The following TNFRSF17 variants were observed in gnomAD, a reference collection of about 807,000 sequenced individuals.
TNFRSF17 encodes the protein TNF receptor superfamily member 17, also known as tumor necrosis factor receptor superfamily member 17.
Under a neutral mutation model 9.9 loss-of-function variants are expected in TNFRSF17, and 13 were observed. That is an observed-to-expected ratio of 1.31 (90% confidence interval 0.85 to 2.08). The LOEUF is 2.08. Among genes scored for constraint, TNFRSF17 ranks in the 30% most tolerant of loss-of-function variants. The pLI, the probability that TNFRSF17 is intolerant of heterozygous loss-of-function variation, is 0.00. For synonymous variants in TNFRSF17, 99 were observed against 83.7 expected, an observed-to-expected ratio of 1.18 and a Z score of -1.00; for missense variants, 305 against 225.8, an observed-to-expected ratio of 1.35 and a Z score of -2.25.
At position 11,967,706 on chromosome 16, in the gene TNFRSF17, C is replaced by T. The variant is rs759685287; in HGVS notation, c.414C>T (p.Val138=). The change falls in exon 3 of 3, where the codon GTC becomes GTT. Residue 138 remains valine, a synonymous_variant. Transcript: ENST00000053243. ...CEDCIKSKPK[V]DSDHCFPLPA... is the part of the protein sequence containing the mutation. Reference sequence around the variant, plus strand: ...ACTGCATCAAGAGCAAACCGAAGGTCGACTCTGACCATTGCTTTCCACTCC... The same window carrying T: ...ACTGCATCAAGAGCAAACCGAAGGTTGACTCTGACCATTGCTTTCCACTCC... 15 of 1,614,150 alleles carry T rather than the reference C, an allele frequency of 9.3e-6. No homozygotes were observed. The highest frequency in any genetic ancestry group is 7.7e-5 in the South Asian group (7 of 91,082).
chr16:11,965,345 G>A lies in TNFRSF17; in HGVS notation c.21G>A (p.Gln7=). Residue 7 remains glutamine, a synonymous_variant, in exon 1 of 3, where the codon CAG becomes CAA. Coordinates refer to ENST00000053243, the MANE Select transcript of TNFRSF17 (RefSeq NM_001192.3). ...TGATCATGTTGCAGATGGCTGGGCA[G>A]TGCTCCCAAAATGAATATTTTGACA... MLQMAG[Q]CSQNEYFDSL... is the part of the protein sequence containing the mutation. The A allele has an allele frequency of 6.2e-7, 1 of 1,614,200 alleles. No homozygotes were observed. The highest frequency in any genetic ancestry group is 8.5e-7 in the Non-Finnish European group (1 of 1,180,032).
At chr16:11,965,507 A>G in intron 1 of TNFRSF17, 53 bp downstream of exon 1, 1 of 1,569,616 alleles carries the variant, frequency 6.4e-7, no homozygotes, top group Non-Finnish European at 8.7e-7. Flanking sequence ...TTCTGTCTAT[A>G]TGGACTGCTT....
At chr16:11,966,404 C>A in intron 2 of TNFRSF17, 63 bp downstream of exon 2, 1 of 1,527,434 alleles carries the variant, frequency 6.5e-7, no homozygotes, top group Non-Finnish European at 8.9e-7. Flanking sequence ...AGTTTCAGTT[C>A]CTTTTCTTTT....
At chr16:11,967,527 C>A (rs777905027) in intron 2 of TNFRSF17, 43 bp from the exon 3 acceptor site, 1 of 1,583,324 alleles carries the variant, frequency 6.3e-7, no homozygotes, top group Non-Finnish European at 8.6e-7. Context: ...TGACCACATT[C>A]TCTGTGAAGT....
Position 11,967,639 on chromosome 16 carries a change from C to G in TNFRSF17, c.347C>G (p.Pro116Arg), listed in dbSNP as rs561432842. Residue 116 changes from proline (P) to arginine (R), a missense_variant, in exon 3 of 3, where the codon CCG becomes CGG. Transcript: ENST00000053243. ...AGGACTGGTGATGAAATTATTCTTC[C>G]GAGAGGCCTCGAGTACACGGTGGAA... ...KSRTGDEIILPRGLEYTVEEC... is the reference protein window; with the variant it reads ...KSRTGDEIILRRGLEYTVEEC... The G allele has an allele frequency of 1.9e-6, 3 of 1,614,096 alleles. No homozygotes were observed. The highest frequency in any genetic ancestry group is 4.5e-5 in the East Asian group (2 of 44,886).
In TNFRSF17 at chr16:11,966,325, C is replaced by A. The variant is rs180992520; in HGVS notation, c.261C>A (p.Asp87Glu). ...AGATAAACTCTGAACCATTAAAGGA[C>A]GAGTTTAAAAACACAGGTTGGTTTG... ...LRKINSEPLK[D>E]EFKNTGSGLL... Residue 87 changes from aspartate (D) to glutamate (E), a missense_variant, in exon 2 of 3, where the codon GAC becomes GAA. Physicochemically the swap from Asp to Glu is conservative, Grantham distance 45 (BLOSUM62 2). Transcript: ENST00000053243. 4 of 1,611,858 alleles carry A rather than the reference C, an allele frequency of 2.5e-6. No homozygotes were observed. The highest frequency in any genetic ancestry group is 3.4e-6 in the Non-Finnish European group (4 of 1,179,088).
chr16:11,966,474 A>G, intron 2 of TNFRSF17, 133 bp downstream of exon 2: 1 of 928,390 alleles, frequency 1.1e-6, no homozygotes, highest in South Asian at 1.9e-5. Flanking sequence ...ACATTGTTAC[A>G]TTAAATGAAC....
In TNFRSF17 at chr16:11,965,235, T is replaced by C. The variant is rs2055184251; in HGVS notation, c.-90T>C. The C allele has an allele frequency of 6.5e-7, 1 of 1,545,944 alleles. No homozygotes were observed. Among genetic ancestry groups the C allele is most frequent in the African/African-American group, 1.4e-5 (1 of 73,142 alleles). ...ATTGTTCTCAACATTCTAGCTGCTC[T>C]TGCTGCATTTGCTCTGGAATTCTTG... On this transcript the variant is annotated 5_prime_UTR_variant, in exon 1 of 3. Coordinates refer to ENST00000053243, the MANE Select transcript of TNFRSF17 (RefSeq NM_001192.3).
rs533954027 is a variant in TNFRSF17 at position 11,967,449 on chromosome 16, A to G, written c.278-121A>G. 14 of 1,015,984 alleles carry G rather than the reference A, an allele frequency of 1.4e-5. No individual in the cohort carries two copies. In the East Asian group the frequency reaches 2.9e-4, roughly 21 times the overall value. 62.9% of individuals were successfully genotyped at this position (1,015,984 alleles called of 1,614,324 possible). A position where few individuals can be genotyped will look rare whatever the true frequency, so the allele number is the denominator to read the frequency against. ...AGCCTGGGCAACACAGTAAGACCCCACCTCTAAAAAATGAAAAAATCTCTC... is the reference window on the plus strand; with the variant it reads ...AGCCTGGGCAACACAGTAAGACCCCGCCTCTAAAAAATGAAAAAATCTCTC... On this transcript the variant is annotated intron_variant, in intron 2 of 2. Coordinates refer to ENST00000053243, the MANE Select transcript of TNFRSF17 (RefSeq NM_001192.3).
intron 2 of TNFRSF17, 94 bp downstream of exon 2, chr16:11,966,435 T>A (rs1391047596): frequency 7.8e-7 from 1 of 1,286,456 alleles, no homozygotes; most frequent in Non-Finnish European, 1.1e-6. Flanking sequence ...ACTATTTCAC[T>A]TCGTTACAGC....
intron 1 of TNFRSF17, 59 bp from the exon 2 acceptor site, chr16:11,966,136 T>G: frequency 6.8e-7 from 1 of 1,467,956 alleles, no homozygotes; most frequent in East Asian, 2.3e-5. Flanking sequence ...ATAATAACAA[T>G]AAAGTATGTG....
intron 1 of TNFRSF17, among the ~76,000 whole-genome samples, chr16:11,965,811 A>G (rs1372131527): frequency 1.3e-5 from 2 of 152,196 alleles, no homozygotes; most frequent in African/African-American, 4.8e-5. Flanking sequence ...TTAGCAAAAT[A>G]ATCAAGTATG....
At chr16:11,966,901 A>T (rs1212516793) in intron 2 of TNFRSF17, 1 of 152,984 alleles carries the variant, frequency 6.5e-6, no homozygotes, top group Non-Finnish European at 1.5e-5. Context: ...GCCTCTTAAG[A>T]TAAAAATACT....
chr16:11,967,665 G>T lies in TNFRSF17; in HGVS notation c.373G>T (p.Glu125Ter), dbSNP rs753754677. The T allele has an allele frequency of 3.1e-6, 5 of 1,614,202 alleles. No homozygotes were observed. Among genetic ancestry groups the T allele is most frequent in the Non-Finnish European group, 4.2e-6 (5 of 1,180,036 alleles). ...GAGAGGCCTCGAGTACACGGTGGAA[G>T]AATGCACCTGTGAAGACTGCATCAA... ...LPRGLEYTVE[E>*]CTCEDCIKSK... The change falls in exon 3 of 3, where the codon GAA (glutamate) becomes TAA (stop). Residue 125 changes from glutamate to a stop codon, truncating the protein, a stop_gained. Transcript: ENST00000053243. LOFTEE classifies it low-confidence loss of function (END_TRUNC).
intron 2 of TNFRSF17, 64 bp from the exon 3 acceptor site, chr16:11,967,506 T>C (rs2055204531): frequency 3.9e-6 from 6 of 1,528,090 alleles, no homozygotes; most frequent in Non-Finnish European, 5.4e-6. Flanking sequence ...TGTGTACTGC[T>C]AAGACTCTCA....
In TNFRSF17 at chr16:11,967,907, G is replaced by T. The variant is rs887346600; in HGVS notation, c.*60G>T. On this transcript the variant is annotated 3_prime_UTR_variant, in exon 3 of 3. Transcript: ENST00000053243. ...AATCTTTTGTCAGAATAGATGATGTGTCAGATCTCTTTAGGATGACTGTAT... is the reference window on the plus strand; with the variant it reads ...AATCTTTTGTCAGAATAGATGATGTTTCAGATCTCTTTAGGATGACTGTAT... 1 of 1,564,508 alleles carries T rather than the reference G, an allele frequency of 6.4e-7. No individual in the cohort carries two copies. The highest frequency in any genetic ancestry group is 1.4e-5 in the African/African-American group (1 of 73,786).
At position 11,968,054 on chromosome 16, in the gene TNFRSF17, T is replaced by TA; in HGVS notation, c.*207_*208insA. On this transcript the variant is annotated 3_prime_UTR_variant, in exon 3 of 3. Coordinates refer to ENST00000053243, the MANE Select transcript of TNFRSF17 (RefSeq NM_001192.3). ...AACTTCCTTGGTTTCATGATTAAAC[T>TA]CTTTTTTTTCCTGACATCTAAGTTT... 1 of 529,216 alleles carries TA rather than the reference T, an allele frequency of 1.9e-6. No individual in the cohort carries two copies. Among genetic ancestry groups the TA allele is most frequent in the East Asian group, 3.6e-5 (1 of 28,008 alleles). 32.8% of individuals were successfully genotyped at this position (529,216 alleles called of 1,614,324 possible). A position where few individuals can be genotyped will look rare whatever the true frequency, so the allele number is the denominator to read the frequency against.
In TNFRSF17 at chr16:11,967,748, C is replaced by T. The variant is rs35434482; in HGVS notation, c.456C>T (p.Gly152=). ...TTCCACTCCCAGCTATGGAGGAAGGCGCAACCATTCTTGTCACCACGAAAA... is the reference window on the plus strand; with the variant it reads ...TTCCACTCCCAGCTATGGAGGAAGGTGCAACCATTCTTGTCACCACGAAAA... ...HCFPLPAMEE[G]ATILVTTKTN... Residue 152 remains glycine, a synonymous_variant, in exon 3 of 3, where the codon GGC becomes GGT. Transcript: ENST00000053243. The T allele has an allele frequency of 4.8e-4, 779 of 1,614,178 alleles. 6 individuals carry two copies. The African/African-American group carries it at 8.7e-3, about 18-fold the overall frequency.
At chr16:11,966,373 T>A in intron 2 of TNFRSF17, 32 bp downstream of exon 2, 1 of 1,598,458 alleles carries the variant, frequency 6.3e-7, no homozygotes, top group African/African-American at 1.4e-5. Context: ...TGAAATCTAT[T>A]TCCAGGGGAT....
Sources: allele counts gnomAD v4.1 joint callset (sites outside exome capture counted in the v4.1 genomes callset), GRCh38; gene constraint gnomAD v4.1.1; transcripts MANE v1.5; gene names NCBI Gene and HGNC (gene_info 2026-07-23, HGNC 2026-07-21).